FSHR: variants seen among roughly 807,000 people sequenced by gnomAD.
The protein encoded by FSHR is follicle-stimulating hormone receptor.
A neutral mutation model predicts 52.1 loss-of-function variants in FSHR; 46 were observed. That is an observed-to-expected ratio of 0.88 (90% CI 0.70 to 1.13). The LOEUF is 1.13. Ranked by LOEUF, FSHR falls within the 50% of genes most tolerant of loss-of-function variation. The probability of loss-of-function intolerance (pLI) is 0.00; values close to 1 mark genes in which losing one functional copy is unlikely to be tolerated. For synonymous variants in FSHR, 399 were observed against 309.6 expected (o/e 1.29, Z -3.03); for missense variants, 964 against 834.6 (o/e 1.16, Z -1.91).
At chr2:49,153,752 C>T (rs1218398530) in intron 1 of FSHR, among the ~76,000 whole-genome samples, 6 of 152,078 alleles carry the variant, frequency 3.9e-5, no homozygotes, top group Non-Finnish European at 5.9e-5. Context: ...TTTCTCTTCT[C>T]TACCACCTCC....
chr2:49,140,587 C>G (rs970589147), intron 1 of FSHR, among the ~76,000 whole-genome samples: 14 of 152,104 alleles, frequency 9.2e-5, no homozygotes, highest in South Asian at 4.2e-4. Context: ...GTAATCCCAG[C>G]TACTCTAGAG....
In FSHR at chr2:48,962,773, G is replaced by T; in HGVS notation, c.2048C>A (p.Thr683Asn). Residue 683 changes from threonine (T) to asparagine (N), a missense_variant, in exon 10 of 10, where the codon ACT becomes AAT. Physicochemically the swap from Thr to Asn is moderately conservative, Grantham distance 65. Coordinates refer to ENST00000406846, the MANE Select transcript of FSHR (RefSeq NM_000145.4). ...ATGACTTAGAGGGACAAGTATGTAA[G>T]TGGAACCACTGGTGACTCTGGGAGC... ...SSAPRVTSGSTYILVPLSHLA... is the reference protein window; with the variant it reads ...SSAPRVTSGSNYILVPLSHLA... The T allele has an allele frequency of 1.2e-6, 2 of 1,614,090 alleles. No individual in the cohort carries two copies. The highest frequency in any genetic ancestry group is 1.7e-6 in the Non-Finnish European group (2 of 1,179,938).
intron 1 of FSHR, among the ~76,000 whole-genome samples, chr2:49,128,494 A>G (rs1487494536): frequency 1.2e-5 from 1 of 80,800 alleles, no homozygotes. Context: ...GTGGCCTGGA[A>G]AAAAAAAAAT....
chr2:49,076,224 A>G (rs1359579083), intron 1 of FSHR, among the ~76,000 whole-genome samples: 1 of 152,170 alleles, frequency 6.6e-6, no homozygotes, highest in Non-Finnish European at 1.5e-5. Context: ...CATACTCAAG[A>G]CTGGGCAAAT....
chr2:49,013,485 AATAT>A (rs1194815128), intron 4 of FSHR, among the ~76,000 whole-genome samples: 9 of 95,732 alleles, frequency 9.4e-5, no homozygotes, highest in South Asian at 3.3e-4. Flanking sequence ...TATATAAATA[AATAT>A]ATATATATAT....
intron 8 of FSHR, 105 bp from the exon 9 acceptor site, chr2:48,968,988 G>T: frequency 2.0e-6 from 2 of 1,014,538 alleles, no homozygotes; most frequent in African/African-American, 1.6e-5. Flanking sequence ...TTCTTACATG[G>T]ATGAGGAGAG....
intron 2 of FSHR, among the ~76,000 whole-genome samples, chr2:49,068,005 G>C (rs1669571613): frequency 6.6e-6 from 1 of 151,306 alleles, no homozygotes; most frequent in Non-Finnish European, 1.5e-5. Flanking sequence ...AAATTGCTTG[G>C]ATTGCTCTTT....
At chr2:48,968,596 C>A in intron 9 of FSHR, 102 bp downstream of exon 9, 1 of 1,380,068 alleles carries the variant, frequency 7.2e-7, no homozygotes, top group Non-Finnish European at 1.0e-6. Context: ...AGACAGGGAA[C>A]TCTCTGCAAG....
At chr2:49,143,293 G>A (rs913976561) in intron 1 of FSHR, among the ~76,000 whole-genome samples, 14 of 152,288 alleles carry the variant, frequency 9.2e-5, no homozygotes, top group East Asian at 3.9e-4. Flanking sequence ...TCAAGTACTC[G>A]AATGGTCACT....
intron 2 of FSHR, among the ~76,000 whole-genome samples, chr2:49,034,673 T>C (rs1042013283): frequency 3.9e-5 from 6 of 152,236 alleles, no homozygotes; most frequent in African/African-American, 1.4e-4. Context: ...AGAATTATTA[T>C]TATCCCTGGT....
chr2:48,982,690 T>C (rs557708560), intron 8 of FSHR, among the ~76,000 whole-genome samples: 1 of 152,244 alleles, frequency 6.6e-6, no homozygotes, highest in Non-Finnish European at 1.5e-5. Flanking sequence ...TCTGACACTC[T>C]GTACGTGCTC....
chr2:49,111,510 G>A (rs1194596260), intron 1 of FSHR, among the ~76,000 whole-genome samples: 2 of 152,150 alleles, frequency 1.3e-5, no homozygotes, highest in Non-Finnish European at 2.9e-5. Flanking sequence ...TCTCTAAGGG[G>A]AAAGAGCAGT....
intron 2 of FSHR, among the ~76,000 whole-genome samples, chr2:49,065,546 C>T (rs11125206): frequency 0.35 from 52,361 of 151,730 alleles, 9,678 homozygotes; most frequent in East Asian, 0.49. Context: ...TATGGGAATA[C>T]GAGAAATTTA....
At chr2:49,118,385 A>G (rs1379987125) in intron 1 of FSHR, among the ~76,000 whole-genome samples, 3 of 152,136 alleles carry the variant, frequency 2.0e-5, no homozygotes, top group African/African-American at 7.2e-5. Context: ...CTCATTCACA[A>G]AGGGGTGCCG....
At chr2:49,014,407 A>G (rs986230063) in intron 4 of FSHR, among the ~76,000 whole-genome samples, 1 of 152,092 alleles carries the variant, frequency 6.6e-6, no homozygotes, top group Non-Finnish European at 1.5e-5. Flanking sequence ...AAAGAGGAGG[A>G]TGGACTTAGT....
At chr2:49,149,617 A>G (rs1442856769) in intron 1 of FSHR, among the ~76,000 whole-genome samples, 1 of 152,058 alleles carries the variant, frequency 6.6e-6, no homozygotes, top group Non-Finnish European at 1.5e-5. Flanking sequence ...TTGGTATAGC[A>G]AAGGCTACCC....
At chr2:49,143,373 A>G (rs1463393942) in intron 1 of FSHR, among the ~76,000 whole-genome samples, 1 of 152,242 alleles carries the variant, frequency 6.6e-6, no homozygotes, top group Non-Finnish European at 1.5e-5. Context: ...ATATGAATTC[A>G]GCACATTCCT....
In FSHR at chr2:48,990,654, T is replaced by C. The variant is rs370728780; in HGVS notation, c.375-17A>G. The C allele has an allele frequency of 7.5e-5, 111 of 1,472,678 alleles. No homozygotes were observed. The African/African-American group carries it at 1.5e-3, about 20-fold the overall frequency. 91.2% of individuals were successfully genotyped at this position (1,472,678 alleles called of 1,614,324 possible). ...GATATTAACCTAGAGAGAAACAAAA[T>C]GAGAGTGAGTGAAAATGAAACTGGC... On this transcript the variant is annotated splice_polypyrimidine_tract_variant and intron_variant, in intron 4 of 9. Transcript: ENST00000406846.
chr2:49,079,181 G>C (rs1248814395), intron 1 of FSHR, among the ~76,000 whole-genome samples: 1 of 151,870 alleles, frequency 6.6e-6, no homozygotes, highest in Non-Finnish European at 1.5e-5. Flanking sequence ...GAAAAAAACA[G>C]GCTCCAGGAT....
Sources: gnomAD v4.1 joint callset for allele counts (sites outside exome capture counted in the v4.1 genomes callset) on GRCh38, gnomAD v4.1.1 for gene constraint, MANE v1.5 for transcripts, NCBI Gene and HGNC (gene_info 2026-07-23, HGNC 2026-07-21) for gene names.